Variants in CFAP54 observed in about 807,000 individuals in gnomAD.
CFAP54 encodes the protein cilia and flagella associated protein 54, also known as cilia- and flagella-associated protein 54.
CFAP54 carries 290 observed loss-of-function variants against 370.4 expected under a neutral mutation model. The ratio of observed to expected loss-of-function variants is 0.78; its 90% CI spans 0.71 to 0.86. CFAP54 has a LOEUF of 0.86. Ranked by LOEUF, CFAP54 falls within the 40% of genes least tolerant of loss-of-function variation. The pLI, the probability that CFAP54 is intolerant of heterozygous loss-of-function variation, is 0.00. For synonymous variants in CFAP54, 1,206 were observed against 1,236.5 expected, an observed-to-expected ratio of 0.98 and a Z score of 0.52; for missense variants, 3,399 against 3,528.7, an observed-to-expected ratio of 0.96 and a Z score of 0.93.
chr12:96,870,147 G>A (rs1767314550), intron 67 of CFAP54, among the ~76,000 whole-genome samples: 1 of 151,784 alleles, frequency 6.6e-6, no homozygotes, highest in African/African-American at 2.4e-5. Context: ...TGTAGTCGCA[G>A]CTACTCTGGA....
intron 1 of CFAP54, among the ~76,000 whole-genome samples, chr12:96,490,618 G>C (rs1592809338): frequency 6.6e-6 from 1 of 152,074 alleles, no homozygotes; most frequent in East Asian, 1.9e-4. Context: ...CTTGAACCCG[G>C]GAGGCAGAGG....
chr12:96,709,902 C>T (rs1007953894), intron 48 of CFAP54, among the ~76,000 whole-genome samples: 4 of 151,734 alleles, frequency 2.6e-5, no homozygotes, highest in East Asian at 1.9e-4. Flanking sequence ...TTGTGGTTTT[C>T]GTAGAGATAG....
At chr12:96,504,560 G>C (rs1426219365) in intron 3 of CFAP54, among the ~76,000 whole-genome samples, 1 of 152,112 alleles carries the variant, frequency 6.6e-6, no homozygotes, top group Non-Finnish European at 1.5e-5. Context: ...TCATCTTGCA[G>C]CCTCATTAAA....
intron 7 of CFAP54, 40 bp downstream of exon 7, chr12:96,522,010 C>T (rs915455648): frequency 2.0e-5 from 30 of 1,523,344 alleles, no homozygotes; most frequent in Admixed American, 5.9e-5. Flanking sequence ...TTACCACACT[C>T]TACAGCTGAT....
intron 36 of CFAP54, 133 bp from the exon 37 acceptor site, chr12:96,657,749 T>G: frequency 1.5e-6 from 1 of 688,742 alleles, no homozygotes; most frequent in Non-Finnish European, 2.4e-6. Flanking sequence ...AGCTTTGACT[T>G]GCATAAGAAA....
chr12:96,504,495 C>T (rs1014731748), intron 3 of CFAP54, among the ~76,000 whole-genome samples: 5 of 152,230 alleles, frequency 3.3e-5, no homozygotes, highest in Middle Eastern at 6.8e-3. Context: ...CATTGATTCA[C>T]TGGTTGAGCA....
chr12:96,861,279 T>G (rs1199916232), intron 67 of CFAP54, among the ~76,000 whole-genome samples: 1 of 152,062 alleles, frequency 6.6e-6, no homozygotes, highest in East Asian at 1.9e-4. Flanking sequence ...CAATTGGGAG[T>G]GATTTTGTCC....
At chr12:96,826,666 A>AAATATAT (rs1192487836) in intron 65 of CFAP54, among the ~76,000 whole-genome samples, 1 of 109,148 alleles carries the variant, frequency 9.2e-6, no homozygotes, top group Non-Finnish European at 1.7e-5. Context: ...TATTATATAT[A>AAATATAT]AATATATAAT....
intron 23 of CFAP54, among the ~76,000 whole-genome samples, chr12:96,591,941 G>A (rs1342976939): frequency 6.7e-6 from 1 of 149,454 alleles, no homozygotes; most frequent in Non-Finnish European, 1.5e-5. Context: ...ATGTGAACAA[G>A]GAGACATCAG....
chr12:96,588,381 T>C (rs1956092570), intron 22 of CFAP54, among the ~76,000 whole-genome samples: 2 of 152,228 alleles, frequency 1.3e-5, no homozygotes. Context: ...CTAAAGCCTC[T>C]GCAATTATTA....
At chr12:96,545,659 G>C (rs561671294) in intron 14 of CFAP54, among the ~76,000 whole-genome samples, 1 of 152,260 alleles carries the variant, frequency 6.6e-6, no homozygotes, top group African/African-American at 2.4e-5. Context: ...GCCACATTGA[G>C]GATTAAATTT....
At position 96,756,548 on chromosome 12, in the gene CFAP54, A is replaced by T. The variant is rs769705461; in HGVS notation, c.7931A>T (p.Asn2644Ile). The change falls in exon 57 of 68, where the codon AAT (asparagine) becomes ATT (isoleucine). Residue 2644 changes from asparagine to isoleucine, a missense_variant. Physicochemically the swap from Asn to Ile is moderately radical, Grantham distance 149 (BLOSUM62 -3). Around this residue, in one of 3 missense-constraint regions of CFAP54, gnomAD observed 2,796 missense variants for 2,869.7 expected, o/e 0.97. Transcript: ENST00000524981. The part of the protein sequence containing the change: ...LYEAIQLSLK[N>I]DQNSGLIRDS... ...GAAGCTATACAACTAAGCCTGAAAA[A>T]TGATCAAAACTCAGGGTAAAAAGAT... The T allele has an allele frequency of 2.4e-5, 38 of 1,597,838 alleles. No individual in the cohort carries two copies. In the East Asian group the frequency reaches 5.6e-4, roughly 23 times the overall value.
rs1465786440 is a variant in CFAP54 at position 96,540,906 on chromosome 12, G to A, written c.1996G>A (p.Val666Ile). 6 of 1,519,116 alleles carry A rather than the reference G, an allele frequency of 3.9e-6. No homozygotes were observed. The highest frequency in any genetic ancestry group is 1.2e-5 in the South Asian group (1 of 80,094). 94.1% of individuals were successfully genotyped at this position (1,519,116 alleles called of 1,614,324 possible). A position where few individuals can be genotyped will look rare whatever the true frequency, so the allele number is the denominator to read the frequency against. ...TAAAATGGAAGACATTGACATTGTG[G>A]TAGTGGCAGAAGTCACATTACGGTT... ...CYKMEDIDIV[V>I]VAEVTLRLSE... is the part of the protein sequence containing the mutation. The change falls in exon 14 of 68, where the codon GTA becomes ATA. Residue 666 changes from valine to isoleucine, a missense_variant. Around this residue, in one of 3 missense-constraint regions of CFAP54, gnomAD observed 2,796 missense variants for 2,869.7 expected, o/e 0.97. Transcript: ENST00000524981.
At chr12:96,697,152 C>T (rs1457412219) in intron 45 of CFAP54, among the ~76,000 whole-genome samples, 1 of 152,168 alleles carries the variant, frequency 6.6e-6, no homozygotes, top group East Asian at 1.9e-4. Context: ...TTTTTGCTGT[C>T]TGGCTTGTTT....
intron 22 of CFAP54, among the ~76,000 whole-genome samples, chr12:96,587,292 T>TAGAC (rs1456000390): frequency 1.3e-5 from 2 of 151,660 alleles, no homozygotes; most frequent in African/African-American, 4.9e-5. Context: ...GAAATGAGGG[T>TAGAC]AGACAGAAAA....
At chr12:96,666,114 G>A (rs1215248289) in intron 39 of CFAP54, among the ~76,000 whole-genome samples, 1 of 152,126 alleles carries the variant, frequency 6.6e-6, no homozygotes, top group African/African-American at 2.4e-5. Flanking sequence ...AGTTAGATAA[G>A]AGAAATAAAA....
Position 96,625,755 on chromosome 12 carries a change from A to G in CFAP54, c.3924A>G (p.Ile1308Met), listed in dbSNP as rs1234147979. Residue 1308 changes from isoleucine (I) to methionine (M), a missense_variant, in exon 29 of 68, where the codon ATA becomes ATG. Ile to Met is a conservative substitution (Grantham distance 10). This residue lies in a region of CFAP54 where 2,796 missense variants were observed against 2,869.7 expected (regional missense o/e 0.97). Coordinates refer to ENST00000524981, the MANE Select transcript of CFAP54 (RefSeq NM_001306084.2). ...AACTCTCAGGAGGAGAGGACCCTATATTTCTTTATCCTGTAGTTTTGAATT... is the reference window on the plus strand; with the variant it reads ...AACTCTCAGGAGGAGAGGACCCTATGTTTCTTTATCCTGTAGTTTTGAATT... ...TSELSGGEDP[I>M]FLYPVVLNWS... 4 of 1,535,750 alleles carry G rather than the reference A, an allele frequency of 2.6e-6. No individual in the cohort carries two copies. The highest frequency in any genetic ancestry group is 3.5e-6 in the Non-Finnish European group (4 of 1,146,700).
chr12:96,636,855 G>C (rs1176052890), intron 32 of CFAP54, among the ~76,000 whole-genome samples: 1 of 152,012 alleles, frequency 6.6e-6, no homozygotes, highest in East Asian at 1.9e-4. Flanking sequence ...TCAGGAGTCC[G>C]AGGAAAAACA....
intron 65 of CFAP54, among the ~76,000 whole-genome samples, chr12:96,825,741 C>T (rs1321415282): frequency 1.6e-5 from 2 of 123,752 alleles, no homozygotes; most frequent in African/African-American, 3.2e-5. Context: ...ATAAATATCA[C>T]ATTACATAAT....
Sources: allele counts gnomAD v4.1 joint callset (sites outside exome capture counted in the v4.1 genomes callset), GRCh38; gene constraint gnomAD v4.1.1; regional missense constraint gnomAD v4.1.1; transcripts MANE v1.5; gene names NCBI Gene and HGNC (gene_info 2026-07-23, HGNC 2026-07-21).